The following SNTB1 variants were observed in gnomAD, a reference collection of about 807,000 sequenced individuals.
SNTB1 encodes the protein syntrophin beta 1, also known as beta-1-syntrophin.
Under a neutral mutation model 48.9 loss-of-function variants are expected in SNTB1, and 36 were observed. The ratio of observed to expected loss-of-function variants is 0.74; its 90% CI spans 0.56 to 0.97. SNTB1 has a LOEUF of 0.97. SNTB1 is among the 50% of genes least tolerant of loss of function. The pLI, the probability that SNTB1 is intolerant of heterozygous loss-of-function variation, is 0.00. For synonymous variants in SNTB1, 299 were observed against 294.6 expected, an observed-to-expected ratio of 1.01 and a Z score of -0.15; for missense variants, 786 against 703.4, an observed-to-expected ratio of 1.12 and a Z score of -1.33.
chr8:120,550,236 G>C (rs1313218782), intron 4 of SNTB1, among the ~76,000 whole-genome samples: 3 of 152,114 alleles, frequency 2.0e-5, no homozygotes, highest in Non-Finnish European at 4.4e-5. Flanking sequence ...CCTTTAGGTT[G>C]GAAGAGTCAT....
intron 1 of SNTB1, among the ~76,000 whole-genome samples, chr8:120,777,168 T>G (rs143908731): frequency 3.3e-4 from 51 of 152,302 alleles, no homozygotes; most frequent in Admixed American, 1.2e-3. Flanking sequence ...ATACATGTTT[T>G]TGCAAGGATT....
intron 4 of SNTB1, among the ~76,000 whole-genome samples, chr8:120,551,608 C>A (rs1203527988): frequency 6.6e-6 from 1 of 151,332 alleles, no homozygotes; most frequent in African/African-American, 2.4e-5. Context: ...TGCCTGTAAT[C>A]CCAGCTACTT....
chr8:120,745,336 G>T (rs1819109247), intron 1 of SNTB1, among the ~76,000 whole-genome samples: 1 of 151,862 alleles, frequency 6.6e-6, no homozygotes, highest in African/African-American at 2.4e-5. Context: ...ACATAACCTG[G>T]GTCACACCTC....
chr8:120,633,462 G>A (rs547664692), intron 2 of SNTB1, among the ~76,000 whole-genome samples: 90 of 152,070 alleles, frequency 5.9e-4, no homozygotes, highest in African/African-American at 1.9e-3. Flanking sequence ...AAAATTAGCC[G>A]GGCATGATGG....
chr8:120,761,652 T>G (rs893435104), intron 1 of SNTB1, among the ~76,000 whole-genome samples: 2 of 152,250 alleles, frequency 1.3e-5, no homozygotes, highest in African/African-American at 4.8e-5. Context: ...GTATCAAGTA[T>G]TTTTAATAGG....
At chr8:120,779,550 G>A (rs1185859729) in intron 1 of SNTB1, among the ~76,000 whole-genome samples, 1 of 152,086 alleles carries the variant, frequency 6.6e-6, no homozygotes, top group African/African-American at 2.4e-5. Context: ...AAAGTGGAGA[G>A]TTAGAAGCTG....
At chr8:120,782,602 CT>C (rs1350688151) in intron 1 of SNTB1, among the ~76,000 whole-genome samples, 13 of 151,750 alleles carry the variant, frequency 8.6e-5, no homozygotes, top group Admixed American at 3.3e-4. Context: ...ACATACATAC[CT>C]ACACACACAC....
At chr8:120,764,086 T>G (rs1819474808) in intron 1 of SNTB1, among the ~76,000 whole-genome samples, 1 of 152,208 alleles carries the variant, frequency 6.6e-6, no homozygotes, top group Non-Finnish European at 1.5e-5. Context: ...ATTCTTGGAG[T>G]ACTTTTACAC....
chr8:120,788,418 G>A (rs924203377), intron 1 of SNTB1, among the ~76,000 whole-genome samples: 3 of 151,948 alleles, frequency 2.0e-5, no homozygotes, highest in Non-Finnish European at 2.9e-5. Flanking sequence ...TGGTCTAAAT[G>A]GTCCAATTAA....
chr8:120,537,329 A>G lies in SNTB1; in HGVS notation c.*1548T>C, dbSNP rs1815217793. 1 of 152,164 alleles carries G rather than the reference A, an allele frequency of 6.6e-6. No homozygotes were observed. The highest frequency in any genetic ancestry group is 2.4e-5 in the African/African-American group (1 of 41,450). 9.4% of individuals were successfully genotyped at this position (152,164 alleles called of 1,614,324 possible). On this transcript the variant is annotated 3_prime_UTR_variant, in exon 7 of 7. Coordinates refer to ENST00000517992, the MANE Select transcript of SNTB1 (RefSeq NM_021021.4). ...TTTAACATTTTTCAGCTCAGTATTT[A>G]GTAAAGTGTATTAACAAACCCCTGT...
intron 1 of SNTB1, among the ~76,000 whole-genome samples, chr8:120,757,956 A>T (rs1819346490): frequency 6.6e-6 from 1 of 152,202 alleles, no homozygotes; most frequent in Non-Finnish European, 1.5e-5. Flanking sequence ...AACTGGAAAG[A>T]AAAGTAGTAA....
chr8:120,544,047 T>C (rs1815336771), intron 5 of SNTB1, among the ~76,000 whole-genome samples: 1 of 151,840 alleles, frequency 6.6e-6, no homozygotes, highest in Non-Finnish European at 1.5e-5. Flanking sequence ...CGCCTCAGTC[T>C]CCTGAGTAGC....
intron 3 of SNTB1, among the ~76,000 whole-genome samples, chr8:120,588,431 T>C (rs1276921578): frequency 6.6e-6 from 1 of 151,372 alleles, no homozygotes; most frequent in African/African-American, 2.4e-5. Context: ...TTAGAGAAAT[T>C]GTAAAACTGT....
chr8:120,653,811 G>A (rs528667127), intron 2 of SNTB1, among the ~76,000 whole-genome samples: 3 of 151,704 alleles, frequency 2.0e-5, no homozygotes, highest in Non-Finnish European at 4.4e-5. Flanking sequence ...AGGCCGAGGC[G>A]GGCGGATCAC....
chr8:120,607,870 C>T (rs1328952837), intron 3 of SNTB1, among the ~76,000 whole-genome samples: 5 of 152,292 alleles, frequency 3.3e-5, no homozygotes, highest in East Asian at 3.9e-4. Context: ...ACACTTAAGT[C>T]TGGACCCTTG....
At chr8:120,728,136 C>T (rs1818791800) in intron 1 of SNTB1, among the ~76,000 whole-genome samples, 1 of 152,054 alleles carries the variant, frequency 6.6e-6, no homozygotes, top group Admixed American at 6.6e-5. Flanking sequence ...AGTGATTCTC[C>T]CACCCCAGCC....
intron 1 of SNTB1, among the ~76,000 whole-genome samples, chr8:120,695,590 T>C (rs1818198562): frequency 6.6e-6 from 1 of 152,116 alleles, no homozygotes; most frequent in African/African-American, 2.4e-5. Flanking sequence ...GAATGAGCTA[T>C]GTTTTATAAA....
At chr8:120,692,225 CTG>C (rs552984032) in intron 2 of SNTB1, among the ~76,000 whole-genome samples, 5 of 152,242 alleles carry the variant, frequency 3.3e-5, no homozygotes, top group East Asian at 3.9e-4. Flanking sequence ...AGTGAGCTAA[CTG>C]AGATGAGAAC....
chr8:120,598,865 ACT>A (rs1293861726), intron 3 of SNTB1, among the ~76,000 whole-genome samples: 30 of 151,618 alleles, frequency 2.0e-4, no homozygotes, highest in Admixed American at 1.6e-3. Flanking sequence ...TCTCTCTCTG[ACT>A]CTGCTTCCAT....
Sources: allele counts gnomAD v4.1 joint callset (sites outside exome capture counted in the v4.1 genomes callset), GRCh38; gene constraint gnomAD v4.1.1; transcripts MANE v1.5; gene names NCBI Gene and HGNC (gene_info 2026-07-23, HGNC 2026-07-21).